The following P2RY2 variants were observed in gnomAD, a reference collection of about 807,000 sequenced individuals.
P2RY2 encodes the protein purinergic receptor P2Y2, also known as P2Y purinoceptor 2.
For synonymous variants in P2RY2, 241 were observed against 231.9 expected (o/e 1.04, Z -0.35); for missense variants, 567 against 515.7 (o/e 1.10, Z -0.96).
chr11:73,230,955 G>A (rs1862437551), intron 2 of P2RY2, among the ~76,000 whole-genome samples: 1 of 152,106 alleles, frequency 6.6e-6, no homozygotes, highest in South Asian at 2.1e-4. Flanking sequence ...AGGGAAGCCA[G>A]TGCAGTGGTT....
Position 73,234,392 on chromosome 11 carries a change from C to T in P2RY2, c.233C>T (p.Ser78Phe). The T allele has an allele frequency of 6.2e-7, 1 of 1,614,254 alleles. No individual in the cohort carries two copies. Among genetic ancestry groups the T allele is most frequent in the Non-Finnish European group, 8.5e-7 (1 of 1,180,044 alleles). Residue 78 changes from serine to phenylalanine, a missense_variant, in exon 3 of 3, where the codon TCT becomes TTT. Physicochemically the swap from Ser to Phe is radical, Grantham distance 155. Coordinates refer to ENST00000393597, the MANE Select transcript of P2RY2 (RefSeq NM_002564.4). ...ACATATATGTTCCACCTGGCTGTGT[C>T]TGATGCACTGTATGCGGCCTCCCTG... The part of the protein sequence containing the change: ...STTYMFHLAV[S>F]DALYAASLPL...
At chr11:73,226,730 G>C (rs1213020509) in intron 1 of P2RY2, among the ~76,000 whole-genome samples, 1 of 152,170 alleles carries the variant, frequency 6.6e-6, no homozygotes, top group East Asian at 1.9e-4. Context: ...TGCCCACACA[G>C]AAGGTCCCCT....
In P2RY2 at chr11:73,234,611, G is replaced by C; in HGVS notation, c.452G>C (p.Arg151Pro). ...SLRWGRARYA[R>P]RVAGAVWVLV... ...CGCTGGGGCCGGGCCCGCTACGCTCGCCGGGTGGCCGGGGCCGTGTGGGTG... is the reference window on the plus strand; with the variant it reads ...CGCTGGGGCCGGGCCCGCTACGCTCCCCGGGTGGCCGGGGCCGTGTGGGTG... The change falls in exon 3 of 3, where the codon CGC becomes CCC. Residue 151 changes from arginine (R) to proline (P), a missense_variant. Coordinates refer to ENST00000393597, the MANE Select transcript of P2RY2 (RefSeq NM_002564.4). 1 of 1,565,250 alleles carries C rather than the reference G, an allele frequency of 6.4e-7. No individual in the cohort carries two copies. The highest frequency in any genetic ancestry group is 8.7e-7 in the Non-Finnish European group (1 of 1,154,908).
At position 73,236,477 on chromosome 11, in the gene P2RY2, C is replaced by A; in HGVS notation, c.*1184C>A. The A allele has an allele frequency of 1.1e-6, 1 of 887,420 alleles. No homozygotes were observed. The highest frequency in any genetic ancestry group is 1.4e-6 in the Non-Finnish European group (1 of 739,388). The allele number at this position is 887,420 out of a possible 1,614,324, so 55.0% of individuals were successfully genotyped here. A position where few individuals can be genotyped will look rare whatever the true frequency, so the allele number is the denominator to read the frequency against. On this transcript the variant is annotated 3_prime_UTR_variant, in exon 3 of 3. Coordinates refer to ENST00000393597, the MANE Select transcript of P2RY2 (RefSeq NM_002564.4). ...AGGGAAGGGTTCCTGGAGTGGGAGA[C>A]TCCTGAGCTGTAGCTTCTGAGAAAA...
In P2RY2 at chr11:73,234,848, A is replaced by C; in HGVS notation, c.689A>C (p.Tyr230Ser). ...LMARRLLKPA[Y>S]GTSGGLPRAK... is the part of the protein sequence containing the mutation. ...GCTCGGCGACTGCTAAAGCCAGCCT[A>C]CGGGACCTCGGGCGGCCTGCCTAGG... Residue 230 changes from tyrosine to serine, a missense_variant, in exon 3 of 3, where the codon TAC (tyrosine) becomes TCC (serine). Coordinates refer to ENST00000393597, the MANE Select transcript of P2RY2 (RefSeq NM_002564.4). The C allele has an allele frequency of 6.2e-7, 1 of 1,610,754 alleles. No homozygotes were observed.
At chr11:73,221,479 T>C (rs1213659547) in intron 1 of P2RY2, among the ~76,000 whole-genome samples, 2 of 152,166 alleles carry the variant, frequency 1.3e-5, no homozygotes, top group African/African-American at 2.4e-5. Flanking sequence ...AATTCTGCCC[T>C]GGGAACCTGT....
Position 73,234,395 on chromosome 11 carries a change from A to G in P2RY2, c.236A>G (p.Asp79Gly), listed in dbSNP as rs1168299721. 1.2e-6 allele frequency: 2 copies of G among 1,614,062 alleles called. No individual in the cohort carries two copies. Among genetic ancestry groups the G allele is most frequent in the African/African-American group, 1.3e-5 (1 of 74,920 alleles). The stretch of plus-strand genomic sequence containing the variant: ...TATATGTTCCACCTGGCTGTGTCTG[A>G]TGCACTGTATGCGGCCTCCCTGCCG... The part of the protein sequence containing the change: ...TTYMFHLAVS[D>G]ALYAASLPLL... The change falls in exon 3 of 3, where the codon GAT becomes GGT. Residue 79 changes from aspartate to glycine, a missense_variant. Transcript: ENST00000393597.
At chr11:73,221,096 G>T (rs942598853) in intron 1 of P2RY2, among the ~76,000 whole-genome samples, 2 of 152,154 alleles carry the variant, frequency 1.3e-5, no homozygotes, top group African/African-American at 4.8e-5. Flanking sequence ...GCTCAGAGGA[G>T]GAATGTGACA....
chr11:73,226,559 C>T (rs900858396), intron 1 of P2RY2, among the ~76,000 whole-genome samples: 1 of 152,176 alleles, frequency 6.6e-6, no homozygotes, highest in African/African-American at 2.4e-5. Context: ...CTCCCACATC[C>T]CCCCAGCCTT....
At position 73,236,545 on chromosome 11, in the gene P2RY2, G is replaced by A; in HGVS notation, c.*1252G>A. 1 of 985,164 alleles carries A rather than the reference G, an allele frequency of 1.0e-6. No individual in the cohort carries two copies. Among genetic ancestry groups the A allele is most frequent in the Non-Finnish European group, 1.2e-6 (1 of 829,730 alleles). The allele number at this position is 985,164 out of a possible 1,614,324, so 61.0% of individuals were successfully genotyped here. ...CATCCACACACAGGATGCATCCCAGGCAAAGACATGGGGCAAGAGGGCAGG... is the reference window on the plus strand; with the variant it reads ...CATCCACACACAGGATGCATCCCAGACAAAGACATGGGGCAAGAGGGCAGG... On this transcript the variant is annotated 3_prime_UTR_variant, in exon 3 of 3. Coordinates refer to ENST00000393597, the MANE Select transcript of P2RY2 (RefSeq NM_002564.4).
chr11:73,228,666 A>T (rs962920308), intron 2 of P2RY2, among the ~76,000 whole-genome samples: 3 of 152,188 alleles, frequency 2.0e-5, no homozygotes, highest in Non-Finnish European at 4.4e-5. Flanking sequence ...GTTGAAGGAG[A>T]GACAGTCTAG....
chr11:73,235,415 C>G lies in P2RY2; in HGVS notation c.*122C>G. On this transcript the variant is annotated 3_prime_UTR_variant, in exon 3 of 3. Coordinates refer to ENST00000393597, the MANE Select transcript of P2RY2 (RefSeq NM_002564.4). ...GTGACTCATGCTGGATGACCCCATG[C>G]TCCGTCATTTGACAGGGGCTCAGGA... 2 of 1,462,864 alleles carry G rather than the reference C, an allele frequency of 1.4e-6. No individual in the cohort carries two copies. Among genetic ancestry groups the G allele is most frequent in the East Asian group, 2.4e-5 (1 of 41,300 alleles). 90.6% of individuals were successfully genotyped at this position (1,462,864 alleles called of 1,614,324 possible). A position where few individuals can be genotyped will look rare whatever the true frequency, so the allele number is the denominator to read the frequency against.
chr11:73,224,124 C>T (rs538477556), intron 1 of P2RY2, among the ~76,000 whole-genome samples: 3 of 152,320 alleles, frequency 2.0e-5, no homozygotes, highest in Admixed American at 6.5e-5. Context: ...GAGGTTACCC[C>T]TTAGCCATTT....
At position 73,241,084 on chromosome 11, in the gene P2RY2, C is replaced by T. The variant is rs949427178; in HGVS notation, c.*5791C>T. 2.0e-5 allele frequency: 3 copies of T among 152,240 alleles called. No individual in the cohort carries two copies. The highest frequency in any genetic ancestry group is 7.2e-5 in the African/African-American group (3 of 41,442). The allele number at this position is 152,240 out of a possible 1,614,324, so 9.4% of individuals were successfully genotyped here. ...CAGAGAGCTCCTCACCCTCTTTCCACCATGTGAGGATATAATGAGAAGTTG... is the reference window on the plus strand; with the variant it reads ...CAGAGAGCTCCTCACCCTCTTTCCATCATGTGAGGATATAATGAGAAGTTG... On this transcript the variant is annotated 3_prime_UTR_variant, in exon 3 of 3. Coordinates refer to ENST00000393597, the MANE Select transcript of P2RY2 (RefSeq NM_002564.4).
At chr11:73,222,968 A>G (rs1009387770) in intron 1 of P2RY2, among the ~76,000 whole-genome samples, 7 of 152,156 alleles carry the variant, frequency 4.6e-5, no homozygotes, top group Non-Finnish European at 1.0e-4. Context: ...GGTGCACCAG[A>G]GCATTGGCAA....
At chr11:73,226,052 T>A (rs1394911438) in intron 1 of P2RY2, among the ~76,000 whole-genome samples, 1 of 152,052 alleles carries the variant, frequency 6.6e-6, no homozygotes, top group African/African-American at 2.4e-5. Context: ...CGGAGGCCAG[T>A]GAGGAGGCTG....
intron 2 of P2RY2, among the ~76,000 whole-genome samples, chr11:73,229,971 T>C (rs574999386): frequency 1.3e-5 from 2 of 152,174 alleles, no homozygotes; most frequent in South Asian, 4.1e-4. Flanking sequence ...ATTTGACTAG[T>C]GTCTGAGACT....
chr11:73,225,170 G>A (rs570910327), intron 1 of P2RY2, among the ~76,000 whole-genome samples: 12 of 152,286 alleles, frequency 7.9e-5, no homozygotes, highest in African/African-American at 2.9e-4. Flanking sequence ...AGCCAGGGAG[G>A]CACATTCCAG....
In P2RY2 at chr11:73,235,957, G is replaced by C; in HGVS notation, c.*664G>C. ...TGAGCTGTGCCCTATTGTGTGGTCG[G>C]GGGATGAGGATATGGCAGGGAAGCT... is the stretch of plus-strand genomic sequence containing the variant. On this transcript the variant is annotated 3_prime_UTR_variant, in exon 3 of 3. Transcript: ENST00000393597. 1.0e-6 allele frequency: 1 copy of C among 1,000,306 alleles called. No individual in the cohort carries two copies. The highest frequency in any genetic ancestry group is 1.7e-5 in the African/African-American group (1 of 57,338). 62.0% of individuals were successfully genotyped at this position (1,000,306 alleles called of 1,614,324 possible). A position where few individuals can be genotyped will look rare whatever the true frequency, so the allele number is the denominator to read the frequency against.
Sources: allele counts gnomAD v4.1 joint callset (sites outside exome capture counted in the v4.1 genomes callset), GRCh38; gene constraint gnomAD v4.1.1; transcripts MANE v1.5; gene names NCBI Gene and HGNC (gene_info 2026-07-23, HGNC 2026-07-21).